CDH19: variants seen among roughly 807,000 people sequenced by gnomAD.
The protein encoded by CDH19 is cadherin-19.
Under a neutral mutation model 64.2 loss-of-function variants are expected in CDH19, and 67 were observed. That is an observed-to-expected ratio of 1.04 (90% CI 0.86 to 1.28). The LOEUF is 1.28. Among genes scored for constraint, CDH19 ranks in the 50% most tolerant of loss-of-function variants. CDH19 has a pLI of 0.00. For synonymous variants in CDH19, 346 were observed against 319.3 expected (o/e 1.08, Z -0.89); for missense variants, 1,030 against 929.0 (o/e 1.11, Z -1.41).
At chr18:66,538,974 A>C (rs562183479) in intron 7 of CDH19, among the ~76,000 whole-genome samples, 1 of 152,224 alleles carries the variant, frequency 6.6e-6, no homozygotes, top group African/African-American at 2.4e-5. Context: ...ATTTCTTAAC[A>C]AGGCCACATT....
chr18:66,533,609 A>T (rs1275836807), intron 8 of CDH19, among the ~76,000 whole-genome samples: 1 of 132,998 alleles, frequency 7.5e-6, no homozygotes, highest in African/African-American at 3.1e-5. Context: ...ATAAAACTTC[A>T]CAGCTTCACC....
intron 7 of CDH19, among the ~76,000 whole-genome samples, chr18:66,540,870 TA>T (rs1364538644): frequency 3.0e-4 from 46 of 152,136 alleles, no homozygotes; most frequent in Admixed American, 3.0e-3. Flanking sequence ...AGTGATAAAA[TA>T]AAAATTTTAA....
At position 66,580,178 on chromosome 18, in the gene CDH19, T is replaced by C. The variant is rs570086521; in HGVS notation, c.-112-7862A>G. Among the ~76,000 whole-genome samples the C allele has an allele frequency of 5.3e-5, 8 of 152,134 alleles. No homozygotes were observed. The East Asian group carries it at 1.5e-3, about 29-fold the overall frequency. Reference sequence around the variant, plus strand: ...AATACCAGCTATTGATGACAATGTATAGAAAGCAGAACTATACAACACTCA... The same window carrying C: ...AATACCAGCTATTGATGACAATGTACAGAAAGCAGAACTATACAACACTCA... On this transcript the variant is annotated intron_variant, in intron 1 of 11. Transcript: ENST00000262150.
chr18:66,591,904 A>C (rs1345225546), intron 1 of CDH19, among the ~76,000 whole-genome samples: 1 of 151,826 alleles, frequency 6.6e-6, no homozygotes, highest in African/African-American at 2.4e-5. Flanking sequence ...ATCCATATTT[A>C]TCTCTTTTCT....
At chr18:66,550,616 T>G (rs1001148884) in intron 5 of CDH19, among the ~76,000 whole-genome samples, 2 of 152,042 alleles carry the variant, frequency 1.3e-5, no homozygotes, top group Admixed American at 6.6e-5. Context: ...TGTCAGTGTG[T>G]GAAGTATGTG....
rs1341050397 is a variant in CDH19 at position 66,502,490 on chromosome 18, A to G, written c.*2322T>C. On this transcript the variant is annotated 3_prime_UTR_variant, in exon 12 of 12. Coordinates refer to ENST00000262150, the MANE Select transcript of CDH19 (RefSeq NM_021153.4). ...ATACAAAATTTCCGTCATCTCCAGAAAGCCTTATTTACTTTTTCTCGTCTA... is the reference window on the plus strand; with the variant it reads ...ATACAAAATTTCCGTCATCTCCAGAGAGCCTTATTTACTTTTTCTCGTCTA... The G allele has an allele frequency of 1.3e-5, 2 of 151,962 alleles. No homozygotes were observed. The highest frequency in any genetic ancestry group is 2.9e-5 in the Non-Finnish European group (2 of 67,914). 9.4% of individuals were successfully genotyped at this position (151,962 alleles called of 1,614,324 possible). A position where few individuals can be genotyped will look rare whatever the true frequency, so the allele number is the denominator to read the frequency against.
At chr18:66,601,198 C>G (rs573639287) in intron 1 of CDH19, among the ~76,000 whole-genome samples, 1 of 151,802 alleles carries the variant, frequency 6.6e-6, no homozygotes, top group Non-Finnish European at 1.5e-5. Context: ...CTCCACCAGG[C>G]CTTTTTAGGA....
intron 1 of CDH19, among the ~76,000 whole-genome samples, chr18:66,600,974 T>G (rs76009330): frequency 6.6e-6 from 1 of 151,848 alleles, no homozygotes; most frequent in Non-Finnish European, 1.5e-5. Context: ...CATCAAATAC[T>G]ATGGGGGAAG....
chr18:66,527,041 A>ATC (rs1986248028), intron 9 of CDH19, among the ~76,000 whole-genome samples: 1 of 109,976 alleles, frequency 9.1e-6, no homozygotes, highest in Non-Finnish European at 1.8e-5. Context: ...ATATGTATAT[A>ATC]TATATATGTG....
chr18:66,570,799 A>G lies in CDH19; in HGVS notation c.195+1211T>C, dbSNP rs117293566. Among the ~76,000 whole-genome samples the G allele has an allele frequency of 1.5e-4, 23 of 151,780 alleles. No individual in the cohort carries two copies. In the East Asian group the frequency reaches 4.3e-3, roughly 28 times the overall value. On this transcript the variant is annotated intron_variant, in intron 2 of 11. Coordinates refer to ENST00000262150, the MANE Select transcript of CDH19 (RefSeq NM_021153.4). ...TTCATGTGGGGAGTAGAAACAAACA[A>G]ACTAGAAAATGTGACAGCCCCAGAG...
rs192450165 is a variant in CDH19, at chr18:66,558,950, C to T, written c.491-4426G>A. 2.0e-3 allele frequency among the ~76,000 whole-genome samples: 306 copies of T among 152,088 alleles called. 1 individual carries two copies. The highest frequency in any genetic ancestry group is 3.6e-3 in the Admixed American group (55 of 15,242). ...GCTCTTTTCAAGTACTGGAGGATTT[C>T]TAGGCTTATGTAATTACTTCCGTTC... On this transcript the variant is annotated intron_variant, in intron 3 of 11. Coordinates refer to ENST00000262150, the MANE Select transcript of CDH19 (RefSeq NM_021153.4).
At chr18:66,550,955 T>C (rs1338733106) in intron 5 of CDH19, 139 bp downstream of exon 5, 5 of 514,524 alleles carry the variant, frequency 9.7e-6, no homozygotes, top group Non-Finnish European at 1.7e-5. Context: ...AAAATAATCA[T>C]ACCAGAACAA....
Position 66,572,278 on chromosome 18 carries a change from T to G in CDH19, c.-74A>C. 8.6e-7 allele frequency: 1 copy of G among 1,157,164 alleles called. No individual in the cohort carries two copies. The highest frequency in any genetic ancestry group is 1.6e-5 in the South Asian group (1 of 63,478). 71.7% of individuals were successfully genotyped at this position (1,157,164 alleles called of 1,614,324 possible). Reference sequence around the variant, plus strand: ...CGTCACTAACAAAAATCTTGCTTTCTTTTATAATCTTTTCTGATTCTGTGT... The same window carrying G: ...CGTCACTAACAAAAATCTTGCTTTCGTTTATAATCTTTTCTGATTCTGTGT... On this transcript the variant is annotated 5_prime_UTR_variant, in exon 2 of 12. Transcript: ENST00000262150.
At chr18:66,535,737 G>A (rs1350658148) in intron 7 of CDH19, among the ~76,000 whole-genome samples, 1 of 144,386 alleles carries the variant, frequency 6.9e-6, no homozygotes, top group Non-Finnish European at 1.5e-5. Flanking sequence ...ATACATATAT[G>A]CTTTATTCTA....
At chr18:66,526,805 GAAAT>G (rs1794832247) in intron 9 of CDH19, among the ~76,000 whole-genome samples, 2 of 151,748 alleles carry the variant, frequency 1.3e-5, no homozygotes, top group African/African-American at 2.4e-5. Context: ...TGACAATAAT[GAAAT>G]AAATCTTCAC....
intron 11 of CDH19, among the ~76,000 whole-genome samples, chr18:66,506,904 A>C (rs1334577726): frequency 6.6e-6 from 1 of 151,912 alleles, no homozygotes; most frequent in African/African-American, 2.4e-5. Context: ...CATGTATTGC[A>C]CTTTAGAACT....
intron 1 of CDH19, among the ~76,000 whole-genome samples, chr18:66,580,587 G>A (rs370492814): frequency 7.9e-5 from 12 of 151,870 alleles, no homozygotes; most frequent in East Asian, 1.9e-4. Flanking sequence ...CTCCTTCCTC[G>A]AAAACAGTTT....
Position 66,508,852 on chromosome 18 carries a change from C to A in CDH19, c.1828+143G>T, listed in dbSNP as rs1269477762. On this transcript the variant is annotated intron_variant, in intron 11 of 11. Transcript: ENST00000262150. ...TTCAGAGGAGCAATAAACGTACACA[C>A]AGACCCACATTATAATGCTATAATA... 5.7e-6 allele frequency: 5 copies of A among 878,300 alleles called. No homozygotes were observed. In the East Asian group the frequency reaches 1.1e-4, roughly 19 times the overall value. The allele number at this position is 878,300 out of a possible 1,614,324, so 54.4% of individuals were successfully genotyped here.
At chr18:66,595,823 G>A (rs972741931) in intron 1 of CDH19, among the ~76,000 whole-genome samples, 4 of 151,996 alleles carry the variant, frequency 2.6e-5, no homozygotes, top group Non-Finnish European at 2.9e-5. Flanking sequence ...CTATAAGGCC[G>A]GCATCATTCT....
Sources: gnomAD v4.1 joint callset for allele counts (sites outside exome capture counted in the v4.1 genomes callset) on GRCh38, gnomAD v4.1.1 for gene constraint, MANE v1.5 for transcripts, NCBI Gene and HGNC (gene_info 2026-07-23, HGNC 2026-07-21) for gene names.